Variants in SAMMSON observed in about 807,000 individuals in gnomAD.
SAMMSON encodes the protein long intergenic non-protein coding RNA 1212.
rs79326768 is a variant in SAMMSON, at chr3:70,022,980, G to T, written n.417+9308G>T. Reference sequence around the variant, plus strand: ...TGTAATTGCCTTGAATTAAGACAATGGTTAGAAGAATTGGGTCCAATTTTC... The same window carrying T: ...TGTAATTGCCTTGAATTAAGACAATTGTTAGAAGAATTGGGTCCAATTTTC... On this transcript the variant is annotated intron_variant and non_coding_transcript_variant, in intron 3 of 9. Coordinates refer to ENST00000642114, the Ensembl canonical transcript of SAMMSON. Among the ~76,000 whole-genome samples, 180 of 152,292 alleles carry T rather than the reference G, an allele frequency of 1.2e-3. 2 individuals carry two copies. The highest frequency in any genetic ancestry group is 4.2e-3 in the African/African-American group (174 of 41,572).
intron 9 of SAMMSON, among the ~76,000 whole-genome samples, chr3:70,385,867 C>A (rs1052932383): frequency 6.6e-6 from 1 of 152,020 alleles, no homozygotes; most frequent in Non-Finnish European, 1.5e-5. Flanking sequence ...CCTGTGGATG[C>A]TGGTAAAGAT....
chr3:70,422,506 A>C (rs1276647005), intron 2 of SAMMSON, among the ~76,000 whole-genome samples: 1 of 152,020 alleles, frequency 6.6e-6, no homozygotes, highest in African/African-American at 2.4e-5. Context: ...CTTGGCACTA[A>C]TTTATTGTGT....
chr3:70,115,210 C>CAAAAAAAAAAA (rs11456109), intron 4 of SAMMSON, among the ~76,000 whole-genome samples: 1 of 117,534 alleles, frequency 8.5e-6, no homozygotes, highest in Non-Finnish European at 1.8e-5. Context: ...CTCTATTTTC[C>CAAAAAAAAAAA]AAAAAAAAAA....
At chr3:70,149,077 G>C (rs2067561263) in intron 4 of SAMMSON, among the ~76,000 whole-genome samples, 2 of 152,066 alleles carry the variant, frequency 1.3e-5, no homozygotes, top group Admixed American at 6.6e-5. Context: ...TTTGGAGCTT[G>C]ATCTATCAGG....
intron 3 of SAMMSON, among the ~76,000 whole-genome samples, chr3:70,066,834 C>T (rs1379589081): frequency 6.6e-6 from 1 of 151,970 alleles, no homozygotes; most frequent in Non-Finnish European, 1.5e-5. Flanking sequence ...ACGAAGAAAA[C>T]CTTGCAGTTA....
At chr3:70,272,813 G>A (rs1348648203) in intron 6 of SAMMSON, among the ~76,000 whole-genome samples, 1 of 152,058 alleles carries the variant, frequency 6.6e-6, no homozygotes, top group African/African-American at 2.4e-5. Context: ...CTTGTTTCAC[G>A]AAGTTAGAAT....
chr3:70,083,113 G>A (rs1259792448), intron 4 of SAMMSON, among the ~76,000 whole-genome samples: 1 of 152,260 alleles, frequency 6.6e-6, no homozygotes, highest in East Asian at 1.9e-4. Flanking sequence ...TTGTTGATCC[G>A]TAGGACTCCT....
chr3:70,281,972 G>A (rs1470095847), intron 6 of SAMMSON, among the ~76,000 whole-genome samples: 1 of 152,142 alleles, frequency 6.6e-6, no homozygotes, highest in African/African-American at 2.4e-5. Context: ...GGCCAGTCCT[G>A]GCTTAGGATG....
At chr3:70,069,095 G>A (rs1254992457) in intron 3 of SAMMSON, 1 of 151,998 alleles carries the variant, frequency 6.6e-6, no homozygotes, top group Admixed American at 6.6e-5. Context: ...GATGCCTACT[G>A]TGGTTAGGAA....
chr3:70,233,170 C>A (rs1243607139), intron 4 of SAMMSON, among the ~76,000 whole-genome samples: 1 of 152,190 alleles, frequency 6.6e-6, no homozygotes, highest in East Asian at 1.9e-4. Flanking sequence ...GCCTGGGCAA[C>A]AGAGTCTCAG....
intron 3 of SAMMSON, among the ~76,000 whole-genome samples, chr3:70,015,484 G>A (rs921669521): frequency 1.3e-5 from 2 of 151,318 alleles, no homozygotes; most frequent in Admixed American, 6.6e-5. Context: ...TTTGGTAATT[G>A]AGACATTACT....
chr3:70,072,862 A>T (rs1205311684), intron 4 of SAMMSON, among the ~76,000 whole-genome samples: 1 of 151,990 alleles, frequency 6.6e-6, no homozygotes, highest in Admixed American at 6.6e-5. Flanking sequence ...ATTGAAACTT[A>T]TCATTTCTTG....
intron 6 of SAMMSON, among the ~76,000 whole-genome samples, chr3:70,258,446 T>A (rs904750148): frequency 6.6e-6 from 1 of 151,986 alleles, no homozygotes; most frequent in Non-Finnish European, 1.5e-5. Flanking sequence ...AGAGAGAGAT[T>A]TACTTACATT....
At chr3:70,275,338 G>A (rs753379187) in intron 6 of SAMMSON, among the ~76,000 whole-genome samples, 15 of 151,908 alleles carry the variant, frequency 9.9e-5, no homozygotes, top group South Asian at 2.1e-4. Flanking sequence ...GTAAGACCTC[G>A]TCTCTACAAA....
At chr3:70,421,191 T>C (rs1488527949) in intron 2 of SAMMSON, among the ~76,000 whole-genome samples, 1 of 152,124 alleles carries the variant, frequency 6.6e-6, no homozygotes, top group African/African-American at 2.4e-5. Context: ...AATATAAGTG[T>C]CTTTTTTATG....
At chr3:70,405,756 A>G (rs1217078409) in intron 2 of SAMMSON, among the ~76,000 whole-genome samples, 1 of 152,228 alleles carries the variant, frequency 6.6e-6, no homozygotes, top group Admixed American at 6.5e-5. Context: ...AGGAGAGGGT[A>G]GAGTAGAAGA....
chr3:70,137,840 C>T (rs916560772), intron 4 of SAMMSON, among the ~76,000 whole-genome samples: 1 of 152,114 alleles, frequency 6.6e-6, no homozygotes, highest in African/African-American at 2.4e-5. Flanking sequence ...ATAGATTTTA[C>T]ACTTCTAGCA....
intron 4 of SAMMSON, among the ~76,000 whole-genome samples, chr3:70,137,282 T>TA (rs1238663162): frequency 2.0e-5 from 3 of 152,200 alleles, no homozygotes; most frequent in Non-Finnish European, 2.9e-5. Context: ...TAATTTATTT[T>TA]AAAAAAACTC....
chr3:70,362,473 C>T (rs1292920310), intron 9 of SAMMSON, among the ~76,000 whole-genome samples: 1 of 151,854 alleles, frequency 6.6e-6, no homozygotes, highest in Non-Finnish European at 1.5e-5. Context: ...TATGGTAGAA[C>T]CATACCAATA....
Sources: gnomAD v4.1 joint callset for allele counts (sites outside exome capture counted in the v4.1 genomes callset) on GRCh38, gnomAD v4.1.1 for gene constraint, MANE v1.5 for transcripts, NCBI Gene and HGNC (gene_info 2026-07-23, HGNC 2026-07-21) for gene names.